ZNF7: variants seen among roughly 807,000 people sequenced by gnomAD.
The protein encoded by ZNF7 is C2-H2 type zinc finger protein.
In ZNF7, 10 loss-of-function variants were observed where a neutral mutation model predicts 12.0. The observed-to-expected ratio is 0.83, with a 90% CI of 0.51 to 1.42. The LOEUF is 1.42. ZNF7 is among the 40% of genes most tolerant of loss of function. The pLI is 0.00. For synonymous variants in ZNF7, 334 were observed against 295.0 expected, an observed-to-expected ratio of 1.13 and a Z score of -1.35; for missense variants, 854 against 837.2, an observed-to-expected ratio of 1.02 and a Z score of -0.25.
chr8:144,837,911 C>T (rs928132147), intron 4 of ZNF7: 13 of 608,722 alleles, frequency 2.1e-5, no homozygotes, highest in African/African-American at 9.2e-5. Flanking sequence ...CCTTCAGACC[C>T]TCTCAGGCTC....
At chr8:144,846,177 G>A, downstream of ZNF7, 6 of 1,536,034 alleles carry the variant, frequency 3.9e-6, no homozygotes, top group Non-Finnish European at 5.2e-6. Flanking sequence ...TGGATGGTCT[G>A]AAAATTCCAG....
At chr8:144,845,108 C>T (rs2722483), downstream of ZNF7, among the ~76,000 whole-genome samples, 4,083 of 152,130 alleles carry the variant, frequency 0.027, 236 homozygotes, top group East Asian at 0.23. Flanking sequence ...ATTTATGGTG[C>T]GGGACAGCTT....
rs1214329076 is a variant in ZNF7, at chr8:144,841,832, A to G, written c.725A>G (p.Asn242Ser). The part of the protein sequence containing the change: ...LSDCLQGKHT[N>S]NCHGEKPYEC... ...GACTGCTTGCAGGGGAAACATACAA[A>G]TAACTGCCATGGAGAGAAGCCGTAC... Residue 242 changes from asparagine to serine, a missense_variant, in exon 5 of 5, where the codon AAT becomes AGT. By Grantham distance (46) the Asn-to-Ser change is conservative. Coordinates refer to ENST00000532777, the MANE Select transcript of ZNF7 (RefSeq NM_003416.4). 1.2e-6 allele frequency: 2 copies of G among 1,614,224 alleles called. No homozygotes were observed. The highest frequency in any genetic ancestry group is 1.7e-5 in the Admixed American group (1 of 60,032).
At chr8:144,844,193 G>A (rs940051295), downstream of ZNF7, among the ~76,000 whole-genome samples, 2 of 152,158 alleles carry the variant, frequency 1.3e-5, no homozygotes, top group Non-Finnish European at 2.9e-5. Flanking sequence ...CTGTGAGAGG[G>A]TACTGAGAGG....
At chr8:144,830,992 C>A in intron 3 of ZNF7, 2 of 456,358 alleles carry the variant, frequency 4.4e-6, no homozygotes, top group South Asian at 1.5e-5. Context: ...GTGATGGCAA[C>A]CTGTGGGCCT....
rs1186597938 is a variant in ZNF7, at chr8:144,837,327, CTT to C, written c.131-63_131-62del. ...CTTTCCATTTGGAAACTGGGGAAGACTTAGCCCTGTGCTGCACACTTCCCGTC... is the reference window on the plus strand; with the variant it reads ...CTTTCCATTTGGAAACTGGGGAAGACAGCCCTGTGCTGCACACTTCCCGTC... On this transcript the variant is annotated intron_variant, in intron 3 of 4. Transcript: ENST00000532777. 18 of 1,410,158 alleles carry C rather than the reference CTT, an allele frequency of 1.3e-5. No individual in the cohort carries two copies. In the Admixed American group the frequency reaches 1.5e-4, roughly 12 times the overall value. 87.4% of individuals were successfully genotyped at this position (1,410,158 alleles called of 1,614,324 possible).
chr8:144,837,026 C>A, intron 3 of ZNF7: 1 of 177,420 alleles, frequency 5.6e-6, no homozygotes, highest in Non-Finnish European at 1.2e-5. Context: ...TGGAGCATCT[C>A]TGCTCTCTGA....
At chr8:144,837,639 C>A in intron 4 of ZNF7, 132 bp downstream of exon 4, 1 of 631,814 alleles carries the variant, frequency 1.6e-6, no homozygotes, top group Non-Finnish European at 2.7e-6. Context: ...ACTGGGGAAG[C>A]AGCATCCAGC....
intron 1 of ZNF7, 37 bp from the exon 2 acceptor site, chr8:144,829,006 G>A (rs1828122221): frequency 1.2e-6 from 2 of 1,604,908 alleles, no homozygotes; most frequent in Non-Finnish European, 8.5e-7. Flanking sequence ...TGGGCTTCTG[G>A]CACCTTGACC....
At chr8:144,844,277 C>T (rs970527710), downstream of ZNF7, among the ~76,000 whole-genome samples, 2 of 152,238 alleles carry the variant, frequency 1.3e-5, no homozygotes, top group African/African-American at 4.8e-5. Flanking sequence ...GTACCAACCC[C>T]CCCATCCATG....
At chr8:144,829,719 A>G (rs909315224) in intron 3 of ZNF7, 115 bp downstream of exon 3, 3 of 1,383,970 alleles carry the variant, frequency 2.2e-6, no homozygotes, top group South Asian at 1.5e-5. Flanking sequence ...TGTGGGCTCC[A>G]CAGGGGGCTT....
chr8:144,846,139 G>T, downstream of ZNF7: 1 of 1,536,294 alleles, frequency 6.5e-7, no homozygotes, highest in East Asian at 2.4e-5. Flanking sequence ...TTCATGATCA[G>T]GACAGAAGGA....
chr8:144,832,981 T>A (rs1828612828), intron 3 of ZNF7, among the ~76,000 whole-genome samples: 1 of 152,102 alleles, frequency 6.6e-6, no homozygotes, highest in African/African-American at 2.4e-5. Context: ...GCGGATCACC[T>A]GAGGTCAGGA....
intron 2 of ZNF7, 93 bp downstream of exon 2, chr8:144,829,183 G>A (rs372359468): frequency 1.0e-5 from 16 of 1,595,348 alleles, no homozygotes; most frequent in Non-Finnish European, 1.3e-5. Context: ...CCCTACCTTG[G>A]CCCTTGCTGG....
intron 4 of ZNF7, chr8:144,838,658 T>C (rs1302153211): frequency 6.5e-6 from 1 of 152,976 alleles, no homozygotes; most frequent in Non-Finnish European, 1.5e-5. Flanking sequence ...GTAGGGGCCG[T>C]GGAGCCGGGC....
downstream of ZNF7, chr8:144,846,464 C>T (rs983363890): frequency 3.1e-6 from 1 of 323,090 alleles, no homozygotes; most frequent in Non-Finnish European, 5.8e-6. Context: ...CATGGAGCCT[C>T]TGGCGGCTTT....
chr8:144,835,081 A>G (rs1828842714), intron 3 of ZNF7: 1 of 151,548 alleles, frequency 6.6e-6, no homozygotes, highest in Non-Finnish European at 1.5e-5. Flanking sequence ...TAATTTTGAC[A>G]TGTTTGATAA....
At position 144,843,716 on chromosome 8, in the gene ZNF7, T is replaced by TTGAC. The variant is rs1243459498; in HGVS notation, c.*549_*552dup. On this transcript the variant is annotated 3_prime_UTR_variant, in exon 5 of 5. Transcript: ENST00000532777. ...TCAGGGTGCAGTCTGCAGTTTTGAG[T>TTGAC]TGACAGGTCCCTGTGAATGAGGAAG... 6.6e-6 allele frequency: 1 copy of TTGAC among 152,196 alleles called. No individual in the cohort carries two copies. The highest frequency in any genetic ancestry group is 6.5e-5 in the Admixed American group (1 of 15,274). 9.4% of individuals were successfully genotyped at this position (152,196 alleles called of 1,614,324 possible). A position where few individuals can be genotyped will look rare whatever the true frequency, so the allele number is the denominator to read the frequency against.
downstream of ZNF7, chr8:144,846,352 T>C: frequency 1.6e-6 from 1 of 634,806 alleles, no homozygotes; most frequent in East Asian, 2.8e-5. Flanking sequence ...CATTTCTGAA[T>C]GGTTGGGGAG....
Sources: allele counts gnomAD v4.1 joint callset (sites outside exome capture counted in the v4.1 genomes callset), GRCh38; gene constraint gnomAD v4.1.1; transcripts MANE v1.5; gene names NCBI Gene and HGNC (gene_info 2026-07-23, HGNC 2026-07-21).